Variants in OTP observed in about 807,000 individuals in gnomAD.
OTP encodes homeobox protein orthopedia.
A neutral mutation model predicts 22.3 loss-of-function variants in OTP; 5 were observed. That is an observed-to-expected ratio of 0.22 (90% CI 0.12 to 0.47). The LOEUF (loss-of-function observed/expected upper bound fraction) is 0.47, where lower values mean the gene tolerates loss of function less well. OTP is among the 20% of genes least tolerant of loss of function. The probability of loss-of-function intolerance (pLI) is 0.99; values close to 1 mark genes in which losing one functional copy is unlikely to be tolerated. For synonymous variants in OTP, 229 were observed against 210.6 expected (o/e 1.09, Z -0.76); for missense variants, 428 against 456.2 (o/e 0.94, Z 0.56).
chr5:77,637,177 G>A lies in OTP; in HGVS notation c.91C>T (p.Leu31=). The stretch of plus-strand genomic sequence containing the variant: ...CCGGGGTCGGAGCCCCCCACGCCCA[G>A]CCTACACTTCACCGCCTCCCGGTGG... ...LGHREAVKCR[L]GVGGSDPGGH... Residue 31 remains leucine, a synonymous_variant, in exon 2 of 3, where the codon CTG becomes TTG. Coordinates refer to ENST00000306422, the MANE Select transcript of OTP (RefSeq NM_032109.3). 6.4e-7 allele frequency: 1 copy of A among 1,566,294 alleles called. No individual in the cohort carries two copies. Among genetic ancestry groups the A allele is most frequent in the Non-Finnish European group, 8.6e-7 (1 of 1,156,512 alleles).
At chr5:77,631,690 G>T (rs976690771) in intron 2 of OTP, among the ~76,000 whole-genome samples, 4 of 147,742 alleles carry the variant, frequency 2.7e-5, no homozygotes, top group Admixed American at 6.9e-5. Flanking sequence ...TCAGCCTCCC[G>T]AGTAGCTAGG....
Position 77,636,802 on chromosome 5 carries a change from G to C in OTP, c.447+19C>G. ...CGCCCTGTCCTTGCCTTCTGTCCCA[G>C]ATCCCAAGCCCCTCGTACCTGCACT... On this transcript the variant is annotated intron_variant, in intron 2 of 2. Coordinates refer to ENST00000306422, the MANE Select transcript of OTP (RefSeq NM_032109.3). The C allele has an allele frequency of 6.3e-7, 1 of 1,594,956 alleles. No individual in the cohort carries two copies. The highest frequency in any genetic ancestry group is 8.6e-7 in the Non-Finnish European group (1 of 1,168,806).
intron 2 of OTP, among the ~76,000 whole-genome samples, chr5:77,633,445 C>G (rs1744959495): frequency 6.6e-6 from 1 of 152,082 alleles, no homozygotes; most frequent in African/African-American, 2.4e-5. Context: ...GTGAATGTTT[C>G]CACTTGAAAA....
intron 2 of OTP, 25 bp from the exon 3 acceptor site, chr5:77,630,819 G>C: frequency 6.6e-7 from 1 of 1,511,218 alleles, no homozygotes; most frequent in African/African-American, 1.4e-5. Context: ...GCGGGAGACA[G>C]ACAGGGAGCT....
At chr5:77,636,247 A>G (rs1274674392) in intron 2 of OTP, 1 of 152,320 alleles carries the variant, frequency 6.6e-6, no homozygotes, top group African/African-American at 2.4e-5. Context: ...CGAAAGTTCA[A>G]ACCCCTTGCA....
chr5:77,636,639 C>A, intron 2 of OTP, 182 bp downstream of exon 2: 1 of 603,878 alleles, frequency 1.7e-6, no homozygotes, highest in South Asian at 2.1e-5. Context: ...CTTGCGTGTC[C>A]ATTGGGGGAT....
chr5:77,634,755 G>A (rs141967264), intron 2 of OTP, among the ~76,000 whole-genome samples: 15 of 152,166 alleles, frequency 9.9e-5, no homozygotes, highest in African/African-American at 3.6e-4. Flanking sequence ...TAATTAAGAA[G>A]GTTATGTTGA....
chr5:77,630,205 G>T lies in OTP; in HGVS notation c.*59C>A. The T allele has an allele frequency of 8.2e-7, 1 of 1,220,752 alleles. No individual in the cohort carries two copies. The highest frequency in any genetic ancestry group is 1.1e-6 in the Non-Finnish European group (1 of 947,930). The allele number at this position is 1,220,752 out of a possible 1,614,324, so 75.6% of individuals were successfully genotyped here. ...CCGGGGTCCGGGTGCGCGCCGGAAG[G>T]GCCTCGGGGCGGCCCCCGGGGCGGT... is the stretch of plus-strand genomic sequence containing the variant. On this transcript the variant is annotated 3_prime_UTR_variant, in exon 3 of 3. Coordinates refer to ENST00000306422, the MANE Select transcript of OTP (RefSeq NM_032109.3).
intron 1 of OTP, among the ~76,000 whole-genome samples, chr5:77,637,754 G>A (rs551874085): frequency 6.6e-6 from 1 of 151,922 alleles, no homozygotes; most frequent in Non-Finnish European, 1.5e-5. Flanking sequence ...AATCAGCTCC[G>A]CCTCCCCCTC....
At position 77,630,354 on chromosome 5, in the gene OTP, G is replaced by C. The variant is rs764920309; in HGVS notation, c.888C>G (p.Ser296=). 1.3e-6 allele frequency: 2 copies of C among 1,575,026 alleles called. No individual in the cohort carries two copies. The highest frequency in any genetic ancestry group is 1.3e-5 in the African/African-American group (1 of 74,466). Residue 296 remains serine, a synonymous_variant, in exon 3 of 3, where the codon TCC becomes TCG. Transcript: ENST00000306422. ...CCCGCCACACGTCGCTGCTGTCCGG[G>C]GAGCTGCAGAGCTGGGGCGAACCGG... The part of the protein sequence containing the change: ...NVSGSPQLCS[S]PDSSDVWRGT...
At chr5:77,637,315 G>A (rs1043294024) in intron 1 of OTP, 85 bp from the exon 2 acceptor site, 92 of 1,406,032 alleles carry the variant, frequency 6.5e-5, no homozygotes, top group Middle Eastern at 2.6e-4. Context: ...CCTTCAACCC[G>A]TCCTCGGCCC....
In OTP at chr5:77,637,137, T is replaced by TGG; in HGVS notation, c.130_131insCC (p.Asp44AlafsTer33). On this transcript the variant is annotated frameshift_variant, in exon 2 of 3. Transcript: ENST00000306422. LOFTEE classifies it high-confidence loss of function. ...CACTGGGTCAGAGTTGGGCGCCAGG[T>TGG]CCCCCGGATGGCCCCCGGGGTCGGA... The TGG allele has an allele frequency of 6.2e-7, 1 of 1,602,560 alleles. No individual in the cohort carries two copies. The highest frequency in any genetic ancestry group is 8.5e-7 in the Non-Finnish European group (1 of 1,174,628).
chr5:77,631,590 G>C (rs1179478329), intron 2 of OTP, among the ~76,000 whole-genome samples: 1 of 106,836 alleles, frequency 9.4e-6, no homozygotes, highest in Non-Finnish European at 1.7e-5. Flanking sequence ...ACGGAGTCTT[G>C]CTCTGTAGCC....
In OTP at chr5:77,630,157, CCGGGGCGGGA is replaced by C. The variant is rs1744901596; in HGVS notation, c.*97_*106del. On this transcript the variant is annotated 3_prime_UTR_variant, in exon 3 of 3. Coordinates refer to ENST00000306422, the MANE Select transcript of OTP (RefSeq NM_032109.3). The stretch of plus-strand genomic sequence containing the variant: ...AGGACGAAACGAGACGGGGCGAAGG[CCGGGGCGGGA>C]CGGGGCAGGGCGCCGGGGTCCGGGT... 3 of 594,388 alleles carry C rather than the reference CCGGGGCGGGA, an allele frequency of 5.0e-6. No homozygotes were observed. Among genetic ancestry groups the C allele is most frequent in the African/African-American group, 2.0e-5 (1 of 50,712 alleles). 36.8% of individuals were successfully genotyped at this position (594,388 alleles called of 1,614,324 possible).
chr5:77,635,909 A>AAC (rs113899413), intron 2 of OTP: 2 of 69,750 alleles, frequency 2.9e-5, no homozygotes, highest in African/African-American at 1.5e-4. Context: ...TTTAAAAAAC[A>AAC]AAAAAAAAAA....
chr5:77,635,062 A>G (rs1744986726), intron 2 of OTP, among the ~76,000 whole-genome samples: 1 of 152,140 alleles, frequency 6.6e-6, no homozygotes, highest in Non-Finnish European at 1.5e-5. Flanking sequence ...TTCTTTTTTC[A>G]TAAAATCAGT....
intron 2 of OTP, among the ~76,000 whole-genome samples, chr5:77,634,003 T>C (rs1427371912): frequency 6.7e-6 from 1 of 148,466 alleles, no homozygotes; most frequent in Non-Finnish European, 1.5e-5. Context: ...GAAAATACTC[T>C]CAGTTTGTCC....
rs35976259 is a variant in OTP, at chr5:77,638,538, A to G, written c.12T>C (p.His4=). 5.4e-3 allele frequency: 8,558 copies of G among 1,574,602 alleles called. 401 individuals are homozygous for G. In the African/African-American group the frequency reaches 0.099, roughly 18 times the overall value. MLS[H]ADLLDARLGM... is the part of the protein sequence containing the mutation. ...CTAGCCTGGCGTCCAGGAGGTCGGC[A>G]TGAGACAGCATCGCGCACCGCTCCA... Residue 4 remains histidine, a synonymous_variant, in exon 1 of 3, where the codon CAT becomes CAC. Coordinates refer to ENST00000306422, the MANE Select transcript of OTP (RefSeq NM_032109.3).
chr5:77,636,513 G>C (rs557080418), intron 2 of OTP: 1 of 358,498 alleles, frequency 2.8e-6, no homozygotes, highest in African/African-American at 2.1e-5. Context: ...GGCCGCCCGG[G>C]GGGGCGCTGA....
Sources: allele counts gnomAD v4.1 joint callset (sites outside exome capture counted in the v4.1 genomes callset), GRCh38; gene constraint gnomAD v4.1.1; transcripts MANE v1.5; gene names NCBI Gene and HGNC (gene_info 2026-07-23, HGNC 2026-07-21).